CHD6: variants seen among roughly 807,000 people sequenced by gnomAD.
CHD6 encodes the protein chromodomain helicase DNA binding protein 6.
CHD6 carries 50 observed loss-of-function variants against 276.9 expected under a neutral mutation model. That is an observed-to-expected ratio of 0.18 (90% CI 0.14 to 0.23). The LOEUF (loss-of-function observed/expected upper bound fraction) is 0.23. CHD6 is among the 10% of genes least tolerant of loss of function. The pLI is 1.00. For missense variants in CHD6, 2,564 were observed against 3,365.8 expected, an observed-to-expected ratio of 0.76 and a Z score of 5.89; for synonymous variants, 1,173 against 1,229.3, an observed-to-expected ratio of 0.95 and a Z score of 0.96.
At chr20:41,516,799 G>T (rs2044263021) in intron 3 of CHD6, among the ~76,000 whole-genome samples, 1 of 152,166 alleles carries the variant, frequency 6.6e-6, no homozygotes, top group Non-Finnish European at 1.5e-5. Flanking sequence ...GCAGGTCCAG[G>T]AAAGAGGGAA....
At chr20:41,575,910 T>A (rs531455413) in intron 1 of CHD6, among the ~76,000 whole-genome samples, 164 of 152,284 alleles carry the variant, frequency 1.1e-3, no homozygotes, top group Non-Finnish European at 1.8e-3. Context: ...TAAAATCCCA[T>A]AATTCTATGA....
At chr20:41,468,268 C>T (rs1449236882) in intron 17 of CHD6, among the ~76,000 whole-genome samples, 1 of 152,004 alleles carries the variant, frequency 6.6e-6, no homozygotes, top group African/African-American at 2.4e-5. Flanking sequence ...CATCCCGACG[C>T]CTGGCTAATT....
At chr20:41,537,670 C>T (rs937631145) in intron 2 of CHD6, among the ~76,000 whole-genome samples, 1 of 151,952 alleles carries the variant, frequency 6.6e-6, no homozygotes, top group African/African-American at 2.4e-5. Context: ...AAATTCAAGG[C>T]CACAACGAGA....
At chr20:41,525,191 A>T (rs1434580805) in intron 3 of CHD6, among the ~76,000 whole-genome samples, 1 of 152,144 alleles carries the variant, frequency 6.6e-6, no homozygotes, top group Non-Finnish European at 1.5e-5. Context: ...TTTTTAGGGT[A>T]TGGGCAGGGA....
chr20:41,499,371 T>C lies in CHD6; in HGVS notation c.853-14A>G, dbSNP rs1555796240. 1 of 1,404,270 alleles carries C rather than the reference T, an allele frequency of 7.1e-7. No individual in the cohort carries two copies. Among genetic ancestry groups the C allele is most frequent in the Non-Finnish European group, 9.6e-7 (1 of 1,044,838 alleles). The allele number at this position is 1,404,270 out of a possible 1,614,324, so 87.0% of individuals were successfully genotyped here. A position where few individuals can be genotyped will look rare whatever the true frequency, so the allele number is the denominator to read the frequency against. ...TTCTGGAGGCTCCTGGGGACAAAGA[T>C]AAAAAAAAAAGAAAATTGCTGGAAC... On this transcript the variant is annotated splice_polypyrimidine_tract_variant and intron_variant, in intron 5 of 36. Coordinates refer to ENST00000373233, the MANE Select transcript of CHD6 (RefSeq NM_032221.5).
chr20:41,537,392 G>A (rs2044855411), intron 2 of CHD6, among the ~76,000 whole-genome samples: 1 of 152,172 alleles, frequency 6.6e-6, no homozygotes, highest in Admixed American at 6.5e-5. Context: ...GTTAGGTCTT[G>A]TAAGTAACCT....
intron 16 of CHD6, among the ~76,000 whole-genome samples, chr20:41,481,383 A>C (rs897130555): frequency 6.6e-6 from 1 of 152,020 alleles, no homozygotes; most frequent in African/African-American, 2.4e-5. Flanking sequence ...ATAAACAAAA[A>C]GTCAAAGACC....
At chr20:41,493,434 A>G (rs2043604625) in intron 10 of CHD6, 104 bp downstream of exon 10, 3 of 1,169,646 alleles carry the variant, frequency 2.6e-6, no homozygotes, top group Non-Finnish European at 3.7e-6. Flanking sequence ...AAGGTAAAAT[A>G]CCACAGAAAC....
In CHD6 at chr20:41,448,668, T is replaced by C. The variant is rs146235239; in HGVS notation, c.3684-697A>G. On this transcript the variant is annotated intron_variant, in intron 23 of 36. Transcript: ENST00000373233. ...CCCGGCCTGCAGAGTCATGAGCCAA[T>C]ACCCAGTCTGTGGTATTCTGTTATA... Among the ~76,000 whole-genome samples, 539 of 152,262 alleles carry C rather than the reference T, an allele frequency of 3.5e-3. 2 individuals are homozygous for C. Among genetic ancestry groups the C allele is most frequent in the Non-Finnish European group, 5.6e-3 (380 of 68,018 alleles).
rs531063989 is a variant in CHD6, at chr20:41,473,987, G to C, written c.2469-470C>G. Among the ~76,000 whole-genome samples the C allele has an allele frequency of 6.6e-6, 1 of 152,132 alleles. No homozygotes were observed. Among genetic ancestry groups the C allele is most frequent in the Non-Finnish European group, 1.5e-5 (1 of 68,022 alleles). On this transcript the variant is annotated intron_variant, in intron 16 of 36. Coordinates refer to ENST00000373233, the MANE Select transcript of CHD6 (RefSeq NM_032221.5). This position sits in a 1 kb window ranked among gnomAD's most constrained non-coding sequence, Gnocchi z 4.1. The stretch of plus-strand genomic sequence containing the variant: ...GCTACTTTAGGGTAAACCAGAAATG[G>C]TAAGAAGATTAAACTGTGAGGCAGT...
intron 27 of CHD6, among the ~76,000 whole-genome samples, chr20:41,426,602 C>T (rs2047373099): frequency 6.6e-6 from 1 of 152,172 alleles, no homozygotes; most frequent in Non-Finnish European, 1.5e-5. Flanking sequence ...TTATGGTTAG[C>T]TTACTTCACA....
intron 8 of CHD6, among the ~76,000 whole-genome samples, chr20:41,494,402 T>C (rs1029101484): frequency 2.2e-4 from 34 of 152,226 alleles, no homozygotes; most frequent in African/African-American, 7.2e-4. Flanking sequence ...GTGTTTACAT[T>C]GTAAAAATTC....
At chr20:41,536,215 G>A (rs776102744) in intron 2 of CHD6, among the ~76,000 whole-genome samples, 2 of 152,126 alleles carry the variant, frequency 1.3e-5, no homozygotes, top group Non-Finnish European at 2.9e-5. Flanking sequence ...TGGGCCACAA[G>A]GTGCCAAAAA....
At chr20:41,557,962 A>C (rs2045258826) in intron 1 of CHD6, among the ~76,000 whole-genome samples, 1 of 152,202 alleles carries the variant, frequency 6.6e-6, no homozygotes, top group Non-Finnish European at 1.5e-5. Flanking sequence ...AGGGTATACC[A>C]TGGGGATTTT....
intron 36 of CHD6, among the ~76,000 whole-genome samples, chr20:41,411,384 A>C (rs562248700): frequency 6.6e-6 from 1 of 151,912 alleles, no homozygotes; most frequent in African/African-American, 2.4e-5. Context: ...AGAGTACTTA[A>C]GAGAAGGCAT....
chr20:41,425,027 C>T (rs2047316101), intron 29 of CHD6, 151 bp downstream of exon 29: 4 of 643,644 alleles, frequency 6.2e-6, no homozygotes, highest in Non-Finnish European at 1.1e-5. Flanking sequence ...ATGATACCAT[C>T]ACAACTGAAG....
intron 17 of CHD6, among the ~76,000 whole-genome samples, chr20:41,463,956 A>G (rs2042859803): frequency 1.3e-5 from 2 of 152,224 alleles, no homozygotes; most frequent in Admixed American, 6.5e-5. Flanking sequence ...CTTACTCTCA[A>G]ATAGCTCAGA....
At position 41,487,649 on chromosome 20, in the gene CHD6, T is replaced by C; in HGVS notation, c.2001+16A>G. ...ACGATCACACTGTCTCCTCAATTCT[T>C]TGGGTCCCTAATTACCTGCTCCTCT... is the stretch of plus-strand genomic sequence containing the variant. On this transcript the variant is annotated intron_variant, in intron 14 of 36. Transcript: ENST00000373233. The C allele has an allele frequency of 3.8e-6, 6 of 1,591,698 alleles. No individual in the cohort carries two copies. The highest frequency in any genetic ancestry group is 4.3e-6 in the Non-Finnish European group (5 of 1,173,990).
rs557650695 is a variant in CHD6, at chr20:41,452,247, A to G, written c.3324-222T>C. Among the ~76,000 whole-genome samples, 1 of 152,350 alleles carries G rather than the reference A, an allele frequency of 6.6e-6. No individual in the cohort carries two copies. Among genetic ancestry groups the G allele is most frequent in the South Asian group, 2.1e-4 (1 of 4,828 alleles). Reference sequence around the variant, plus strand: ...GGACGTTGGACACTGAGAGCTTCATATGGCCACTACAATGTTAAAAAGGGA... The same window carrying G: ...GGACGTTGGACACTGAGAGCTTCATGTGGCCACTACAATGTTAAAAAGGGA... On this transcript the variant is annotated intron_variant, in intron 21 of 36. Transcript: ENST00000373233. The surrounding 1 kb of genome is among the most constrained non-coding windows in gnomAD (Gnocchi z 4.2).
Sources: allele counts gnomAD v4.1 joint callset (sites outside exome capture counted in the v4.1 genomes callset), GRCh38; gene constraint gnomAD v4.1.1; non-coding constraint Gnocchi (gnomAD v3.1); transcripts MANE v1.5; gene names NCBI Gene and HGNC (gene_info 2026-07-23, HGNC 2026-07-21).